The following CDC73 variants were observed in gnomAD, a reference collection of about 807,000 sequenced individuals.
CDC73 encodes the protein parafibromin.
Under a neutral mutation model 83.7 loss-of-function variants are expected in CDC73, and 21 were observed. That is an observed-to-expected ratio of 0.25 (90% CI 0.18 to 0.36). CDC73 has a LOEUF of 0.36. CDC73 is among the 10% of genes least tolerant of loss of function. CDC73 has a pLI of 1.00. For synonymous variants in CDC73, 224 were observed against 212.9 expected, an observed-to-expected ratio of 1.05 and a Z score of -0.45; for missense variants, 342 against 653.3, an observed-to-expected ratio of 0.52 and a Z score of 5.19.
chr1:193,196,272 A>T (rs1182901197), intron 10 of CDC73, among the ~76,000 whole-genome samples: 3 of 152,146 alleles, frequency 2.0e-5, no homozygotes, highest in Admixed American at 6.5e-5. Context: ...AATGGTCTGG[A>T]CACCCTTGTC....
chr1:193,209,852 CTCTT>C (rs914071945), intron 11 of CDC73, among the ~76,000 whole-genome samples: 8 of 152,092 alleles, frequency 5.3e-5, no homozygotes, highest in Middle Eastern at 3.2e-3. Flanking sequence ...CCCTTGCTCT[CTCTT>C]TCTTCTTCCC....
chr1:193,231,175 A>G (rs12141336), intron 13 of CDC73, among the ~76,000 whole-genome samples: 6,102 of 152,282 alleles, frequency 0.04, 118 homozygotes, highest in Middle Eastern at 0.048. Context: ...TTTTGTTTAT[A>G]AGTTTATAAG....
chr1:193,186,677 G>A (rs1676815407), intron 10 of CDC73: 2 of 152,000 alleles, frequency 1.3e-5, no homozygotes, highest in Non-Finnish European at 2.9e-5. Context: ...TGAATCCCAC[G>A]TGATTGTTTG....
At chr1:193,238,721 A>G (rs1677806831) in intron 15 of CDC73, among the ~76,000 whole-genome samples, 1 of 152,354 alleles carries the variant, frequency 6.6e-6, no homozygotes, top group Admixed American at 6.5e-5. Context: ...TTAGCATTGT[A>G]TACTGTATTC....
At chr1:193,152,818 C>T (rs1676142263) in intron 10 of CDC73, among the ~76,000 whole-genome samples, 1 of 151,972 alleles carries the variant, frequency 6.6e-6, no homozygotes, top group Non-Finnish European at 1.5e-5. Flanking sequence ...CTCGCTCTGT[C>T]GCCCAGGCTG....
At chr1:193,124,937 T>G (rs962961775) in intron 1 of CDC73, among the ~76,000 whole-genome samples, 175 bp from the exon 2 acceptor site, 1 of 152,226 alleles carries the variant, frequency 6.6e-6, no homozygotes, top group African/African-American at 2.4e-5. Flanking sequence ...GTCATTGCCT[T>G]CCTTTGTGTT....
intron 15 of CDC73, among the ~76,000 whole-genome samples, chr1:193,244,107 AAGC>A (rs1677910965): frequency 3.3e-5 from 5 of 152,252 alleles, no homozygotes; most frequent in Non-Finnish European, 7.3e-5. Context: ...TGCAAAACAA[AAGC>A]TCCCTTGATA....
In CDC73 at chr1:193,170,335, G is replaced by T. The variant is rs190580958; in HGVS notation, c.972+17891G>T. 1.4e-4 allele frequency among the ~76,000 whole-genome samples: 21 copies of T among 152,210 alleles called. No individual in the cohort carries two copies. In the East Asian group the frequency reaches 2.7e-3, roughly 20 times the overall value. ...CAGTAATGAGATTGCTGGGTTCAGTGGTATTTCTCTCTTTAGGTCTTTGAG... is the reference window on the plus strand; with the variant it reads ...CAGTAATGAGATTGCTGGGTTCAGTTGTATTTCTCTCTTTAGGTCTTTGAG... On this transcript the variant is annotated intron_variant, in intron 10 of 16. Transcript: ENST00000367435.
At chr1:193,221,427 T>A (rs1383373471) in intron 13 of CDC73, among the ~76,000 whole-genome samples, 4 of 152,188 alleles carry the variant, frequency 2.6e-5, no homozygotes, top group Non-Finnish European at 5.9e-5. Flanking sequence ...TGTATTTTTT[T>A]AACCAATTTT....
intron 10 of CDC73, chr1:193,180,970 T>G (rs1324036185): frequency 6.2e-7 from 1 of 1,613,516 alleles, no homozygotes; most frequent in South Asian, 1.1e-5. Context: ...AAGGTAGCCA[T>G]TTAGCTTAAT....
chr1:193,164,275 G>T (rs1212856120), intron 10 of CDC73, among the ~76,000 whole-genome samples: 1 of 152,220 alleles, frequency 6.6e-6, no homozygotes, highest in African/African-American at 2.4e-5. Context: ...ATGAACAGCA[G>T]TGTGGAGGTT....
At chr1:193,193,754 C>T (rs1265421461) in intron 10 of CDC73, among the ~76,000 whole-genome samples, 1 of 147,162 alleles carries the variant, frequency 6.8e-6, no homozygotes, top group African/African-American at 2.6e-5. Context: ...TATAACGTTC[C>T]AGAACATTTC....
chr1:193,166,406 G>A (rs991556669), intron 10 of CDC73, among the ~76,000 whole-genome samples: 1 of 152,136 alleles, frequency 6.6e-6, no homozygotes, highest in Non-Finnish European at 1.5e-5. Context: ...TTCTCAAAGT[G>A]CAGAGATTAC....
rs920972085 is a variant in CDC73 at position 193,251,229 on chromosome 1, A to G, written c.*517A>G. 4.7e-5 allele frequency: 11 copies of G among 232,582 alleles called. No homozygotes were observed. In the Admixed American group the frequency reaches 5.1e-4, roughly 11 times the overall value. 14.4% of individuals were successfully genotyped at this position (232,582 alleles called of 1,614,324 possible). On this transcript the variant is annotated 3_prime_UTR_variant, in exon 17 of 17. Coordinates refer to ENST00000367435, the MANE Select transcript of CDC73 (RefSeq NM_024529.5). ...CACTTACTCATTATTTAAAAAGAAT[A>G]ATGAAAAATCTAGATCAATTCTTCA...
intron 10 of CDC73, among the ~76,000 whole-genome samples, chr1:193,162,965 G>A (rs1334639039): frequency 6.6e-6 from 1 of 152,074 alleles, no homozygotes; most frequent in African/African-American, 2.4e-5. Context: ...TCTATAGATG[G>A]CTTTTAGAAA....
intron 10 of CDC73, among the ~76,000 whole-genome samples, chr1:193,163,126 A>T (rs1022599508): frequency 6.6e-6 from 1 of 151,296 alleles, no homozygotes; most frequent in South Asian, 2.1e-4. Context: ...TAGGTACATT[A>T]TAATTCATCA....
intron 15 of CDC73, among the ~76,000 whole-genome samples, chr1:193,243,436 A>C (rs1174670544): frequency 6.6e-6 from 1 of 152,178 alleles, no homozygotes; most frequent in Non-Finnish European, 1.5e-5. Flanking sequence ...TCCTAGCTTT[A>C]AATTTAAAAG....
intron 10 of CDC73, among the ~76,000 whole-genome samples, chr1:193,171,032 GCTGT>G (rs1386193988): frequency 1.3e-5 from 2 of 152,158 alleles, no homozygotes; most frequent in African/African-American, 2.4e-5. Flanking sequence ...TGTGATAACT[GCTGT>G]CTTTCAACTG....
intron 15 of CDC73, among the ~76,000 whole-genome samples, chr1:193,247,248 T>C (rs948200294): frequency 6.6e-6 from 1 of 152,122 alleles, no homozygotes; most frequent in Non-Finnish European, 1.5e-5. Context: ...GTATCTGTTA[T>C]GGTGATATGG....
Sources: allele counts gnomAD v4.1 joint callset (sites outside exome capture counted in the v4.1 genomes callset), GRCh38; gene constraint gnomAD v4.1.1; transcripts MANE v1.5; gene names NCBI Gene and HGNC (gene_info 2026-07-23, HGNC 2026-07-21).